Variants in SORCS1 observed in about 807,000 individuals in gnomAD.
The protein encoded by SORCS1 is sortilin related VPS10 domain containing receptor 1, also known as VPS10 domain-containing receptor SorCS1.
SORCS1 carries 60 observed loss-of-function variants against 146.1 expected under a neutral mutation model. The ratio of observed to expected loss-of-function variants is 0.41; its 90% CI spans 0.33 to 0.51. The LOEUF (loss-of-function observed/expected upper bound fraction) is 0.51. SORCS1 is among the 20% of genes least tolerant of loss of function. The pLI, the probability that SORCS1 is intolerant of heterozygous loss-of-function variation, is 0.21. For synonymous variants in SORCS1, 637 were observed against 584.0 expected, an observed-to-expected ratio of 1.09 and a Z score of -1.31; for missense variants, 1,352 against 1,487.6, an observed-to-expected ratio of 0.91 and a Z score of 1.50.
intron 1 of SORCS1, among the ~76,000 whole-genome samples, chr10:107,128,733 C>A (rs183134501): frequency 6.6e-6 from 1 of 152,104 alleles, no homozygotes; most frequent in Non-Finnish European, 1.5e-5. Flanking sequence ...GGAGATGGAG[C>A]ACTTCTTCTA....
At chr10:106,926,881 AG>A (rs1953067754) in intron 2 of SORCS1, among the ~76,000 whole-genome samples, 103 of 130,534 alleles carry the variant, frequency 7.9e-4, no homozygotes, top group African/African-American at 2.9e-3. Flanking sequence ...AGAGAGAGAG[AG>A]AGAGAGAGAG....
At chr10:107,033,156 T>C (rs527539500) in intron 1 of SORCS1, among the ~76,000 whole-genome samples, 4 of 152,232 alleles carry the variant, frequency 2.6e-5, no homozygotes, top group Non-Finnish European at 4.4e-5. Context: ...CAAGCACATA[T>C]TCTCACAGCC....
intron 6 of SORCS1, among the ~76,000 whole-genome samples, chr10:106,729,174 T>C (rs1240264144): frequency 6.6e-6 from 1 of 152,258 alleles, no homozygotes; most frequent in Admixed American, 6.5e-5. Context: ...CTGAATAGGC[T>C]CTGTGAGATA....
intron 18 of SORCS1, among the ~76,000 whole-genome samples, chr10:106,651,525 T>A (rs2135253093): frequency 6.6e-6 from 1 of 152,348 alleles, no homozygotes; most frequent in Admixed American, 6.5e-5. Flanking sequence ...TGAGGGTCCC[T>A]GGACTATCAG....
intron 3 of SORCS1, among the ~76,000 whole-genome samples, chr10:106,805,977 G>A (rs750691189): frequency 4.8e-5 from 7 of 146,140 alleles, no homozygotes; most frequent in East Asian, 2.1e-4. Flanking sequence ...CGAGAATGGC[G>A]TGAACCCGGG....
In SORCS1 at chr10:106,960,996, C is replaced by A. The variant is rs1024499851; in HGVS notation, c.559-4416G>T. Among the ~76,000 whole-genome samples the A allele has an allele frequency of 2.6e-5, 4 of 152,190 alleles. No homozygotes were observed. Among genetic ancestry groups the A allele is most frequent in the Non-Finnish European group, 4.4e-5 (3 of 68,042 alleles). On this transcript the variant is annotated intron_variant, in intron 1 of 25. Coordinates refer to ENST00000263054, the MANE Select transcript of SORCS1 (RefSeq NM_052918.5). The surrounding 1 kb of genome is among the most constrained non-coding windows in gnomAD (Gnocchi z 4.4). ...TCCTTCTGGATAGGGAGTTGAGAAACCATCACAAAGGACTCTGTGAGAGGA... is the reference window on the plus strand; with the variant it reads ...TCCTTCTGGATAGGGAGTTGAGAAAACATCACAAAGGACTCTGTGAGAGGA...
At chr10:106,747,870 CTA>C (rs57187734) in intron 5 of SORCS1, among the ~76,000 whole-genome samples, 33,478 of 151,826 alleles carry the variant, frequency 0.22, 4,639 homozygotes, top group East Asian at 0.48. Context: ...GATCCGATAA[CTA>C]TATATATATG....
intron 18 of SORCS1, among the ~76,000 whole-genome samples, chr10:106,637,268 T>A (rs756206749): frequency 2.0e-5 from 3 of 152,224 alleles, no homozygotes; most frequent in Non-Finnish European, 4.4e-5. Context: ...CTCTGGCTTC[T>A]CTTCCAAGAG....
chr10:106,945,052 A>AT (rs987122508), intron 2 of SORCS1, among the ~76,000 whole-genome samples: 5 of 150,834 alleles, frequency 3.3e-5, no homozygotes, highest in African/African-American at 1.2e-4. Context: ...CACCCAGCTA[A>AT]TTTTTTTGTA....
At chr10:107,046,236 G>C (rs746624706) in intron 1 of SORCS1, among the ~76,000 whole-genome samples, 7 of 152,000 alleles carry the variant, frequency 4.6e-5, no homozygotes, top group Non-Finnish European at 8.8e-5. Flanking sequence ...GAGCCACTGT[G>C]CTCGGCCACC....
At chr10:106,705,982 G>A (rs540266050) in intron 8 of SORCS1, among the ~76,000 whole-genome samples, 2 of 152,282 alleles carry the variant, frequency 1.3e-5, no homozygotes, top group Admixed American at 6.5e-5. Flanking sequence ...CTGGTGCCAC[G>A]TCACGGCATC....
intron 4 of SORCS1, among the ~76,000 whole-genome samples, chr10:106,767,345 C>T (rs561481494): frequency 5.9e-5 from 9 of 152,118 alleles, no homozygotes; most frequent in African/African-American, 1.9e-4. Context: ...ATTAGACTTA[C>T]GGAACTAGAG....
chr10:106,734,213 T>C (rs1455456130), intron 5 of SORCS1, among the ~76,000 whole-genome samples: 1 of 152,178 alleles, frequency 6.6e-6, no homozygotes, highest in Non-Finnish European at 1.5e-5. Context: ...AACTCCCTTC[T>C]TGAAGTGAAT....
At chr10:106,680,866 A>C (rs957952095) in intron 10 of SORCS1, among the ~76,000 whole-genome samples, 20 of 152,176 alleles carry the variant, frequency 1.3e-4, no homozygotes, top group African/African-American at 4.6e-4. Context: ...ACAATGATTA[A>C]ATTTATATAG....
At chr10:106,680,206 C>T (rs1180606616) in intron 10 of SORCS1, among the ~76,000 whole-genome samples, 1 of 151,988 alleles carries the variant, frequency 6.6e-6, no homozygotes, top group Non-Finnish European at 1.5e-5. Context: ...GGTAGATGTT[C>T]AAGACGTTAA....
intron 14 of SORCS1, among the ~76,000 whole-genome samples, chr10:106,674,582 C>A (rs746878557): frequency 6.6e-6 from 1 of 152,010 alleles, no homozygotes; most frequent in Non-Finnish European, 1.5e-5. Flanking sequence ...TCATCACATT[C>A]CAGACAAAAA....
intron 2 of SORCS1, among the ~76,000 whole-genome samples, chr10:106,950,975 G>C (rs891083788): frequency 6.6e-6 from 1 of 152,126 alleles, no homozygotes; most frequent in African/African-American, 2.4e-5. Context: ...AGGACTCAAA[G>C]ATGAGTTACG....
intron 24 of SORCS1, among the ~76,000 whole-genome samples, chr10:106,582,663 G>A (rs990394438): frequency 1.3e-5 from 2 of 152,176 alleles, no homozygotes; most frequent in Non-Finnish European, 2.9e-5. Context: ...GCTTAAACAA[G>A]GTAGACGTGT....
intron 1 of SORCS1, among the ~76,000 whole-genome samples, chr10:107,123,539 G>A (rs970801784): frequency 1.3e-5 from 2 of 152,142 alleles, no homozygotes; most frequent in African/African-American, 4.8e-5. Context: ...ATAAGTTAAT[G>A]CTGCAAATAT....
Sources: gnomAD v4.1 joint callset for allele counts (sites outside exome capture counted in the v4.1 genomes callset) on GRCh38, gnomAD v4.1.1 for gene constraint, Gnocchi (gnomAD v3.1) non-coding constraint, MANE v1.5 for transcripts, NCBI Gene and HGNC (gene_info 2026-07-23, HGNC 2026-07-21) for gene names.